The following MTF1 variants were observed in gnomAD, a reference collection of about 807,000 sequenced individuals.
MTF1 encodes the protein MRE-binding transcription factor.
Under a neutral mutation model 70.4 loss-of-function variants are expected in MTF1, and 22 were observed. That is an observed-to-expected ratio of 0.31 (90% confidence interval 0.22 to 0.45). The LOEUF is 0.45. Among genes scored for constraint, MTF1 ranks in the 20% least tolerant of loss-of-function variants. The pLI, the probability that MTF1 is intolerant of heterozygous loss-of-function variation, is 1.00. For missense variants in MTF1, 649 were observed against 922.0 expected, an observed-to-expected ratio of 0.70 and a Z score of 3.83; for synonymous variants, 333 against 352.8, an observed-to-expected ratio of 0.94 and a Z score of 0.63.
rs534357571 is a variant in MTF1 at position 37,815,426 on chromosome 1, G to A, written c.1972C>T (p.Pro658Ser). The change falls in exon 11 of 11, where the codon CCT (proline) becomes TCT (serine). Residue 658 changes from proline to serine, a missense_variant. Around this residue, in one of 7 missense-constraint regions of MTF1, gnomAD observed 138 missense variants for 134.4 expected, o/e 1.03. Transcript: ENST00000373036. This position sits in a 1 kb window ranked among gnomAD's most constrained non-coding sequence, Gnocchi z 4.5. The stretch of plus-strand genomic sequence containing the variant: ...GGAGCCTGGGGGCTCGGCTCTGGAG[G>A]GGGTGGGGAGGAGCAGCCCTTTCTC... ...SRRKGCSSPP[P>S]PEPSPQAPDG... The A allele has an allele frequency of 1.1e-5, 18 of 1,612,632 alleles. No homozygotes were observed. Among genetic ancestry groups the A allele is most frequent in the South Asian group, 2.2e-5 (2 of 91,040 alleles).
rs558062880 is a variant in MTF1, at chr1:37,822,163, T to C, written c.1725A>G (p.Ile575Met). 5.6e-5 allele frequency: 91 copies of C among 1,612,268 alleles called. No individual in the cohort carries two copies. Among genetic ancestry groups the C allele is most frequent in the African/African-American group, 9.3e-5 (7 of 75,028 alleles). Residue 575 changes from isoleucine (I) to methionine (M), a missense_variant, in exon 9 of 11, where the codon ATA becomes ATG. By Grantham distance (10) the Ile-to-Met change is conservative. Coordinates refer to ENST00000373036, the MANE Select transcript of MTF1 (RefSeq NM_005955.3). ...GTGGAGAACTGGTGGCACCATTTAA[T>C]ATCCATTGTAAGTTCTGTTCTCCCA... The part of the protein sequence containing the change: ...LVMGEQNLQW[I>M]LNGATSSPQN...
rs1430859389 is a variant in MTF1, at chr1:37,814,284, GC to G, written c.*851del. 2 of 152,172 alleles carry G rather than the reference GC, an allele frequency of 1.3e-5. No individual in the cohort carries two copies. Among genetic ancestry groups the G allele is most frequent in the Non-Finnish European group, 2.9e-5 (2 of 68,072 alleles). The allele number at this position is 152,172 out of a possible 1,614,324, so 9.4% of individuals were successfully genotyped here. ...GACCACCAAACAGCACTGGCCATAA[GC>G]CACAAGTTCACTCTAGGACAAAACA... On this transcript the variant is annotated 3_prime_UTR_variant, in exon 11 of 11. Transcript: ENST00000373036.
chr1:37,838,528 TA>T, intron 4 of MTF1, 96 bp downstream of exon 4: 2 of 1,064,954 alleles, frequency 1.9e-6, no homozygotes, highest in Non-Finnish European at 2.7e-6. Context: ...CAAGAGCTAG[TA>T]AAGGGAGTTT....
chr1:37,857,198 T>C, intron 2 of MTF1, 53 bp downstream of exon 2: 1 of 1,556,512 alleles, frequency 6.4e-7, no homozygotes, highest in Non-Finnish European at 8.7e-7. Flanking sequence ...CCAAGAATTT[T>C]GTAAGGACTT....
intron 6 of MTF1, among the ~76,000 whole-genome samples, chr1:37,834,015 T>A (rs1476811866): frequency 6.6e-6 from 1 of 151,676 alleles, no homozygotes; most frequent in Non-Finnish European, 1.5e-5. Context: ...CACTTAAGCT[T>A]AGGAGTGCAA....
Position 37,815,596 on chromosome 1 carries a change from C to A in MTF1, c.1832-30G>T. On this transcript the variant is annotated intron_variant, in intron 10 of 10. Transcript: ENST00000373036. This position sits in a 1 kb window ranked among gnomAD's most constrained non-coding sequence, Gnocchi z 4.5. ...GAGAGAGGCAAGAGAGACTGCTCTT[C>A]AAGTAGCTGCAGGGGCAGGAGCATG... 1.3e-6 allele frequency: 2 copies of A among 1,497,344 alleles called. No individual in the cohort carries two copies. Among genetic ancestry groups the A allele is most frequent in the South Asian group, 1.4e-5 (1 of 73,688 alleles). 92.8% of individuals were successfully genotyped at this position (1,497,344 alleles called of 1,614,324 possible). A position where few individuals can be genotyped will look rare whatever the true frequency, so the allele number is the denominator to read the frequency against.
intron 7 of MTF1, chr1:37,828,317 G>C (rs1045597413): frequency 6.4e-5 from 25 of 388,140 alleles, no homozygotes; most frequent in Non-Finnish European, 1.2e-4. Context: ...GTTTTCTTTT[G>C]TTCTGAGACA....
intron 4 of MTF1, among the ~76,000 whole-genome samples, chr1:37,838,352 C>T (rs577368339): frequency 7.2e-5 from 11 of 152,226 alleles, no homozygotes; most frequent in Admixed American, 6.5e-4. Context: ...TAAAAGTACC[C>T]ACCACATAAC....
At position 37,815,171 on chromosome 1, in the gene MTF1, C is replaced by T. The variant is rs777394679; in HGVS notation, c.2227G>A (p.Glu743Lys). The change falls in exon 11 of 11, where the codon GAG becomes AAG. Residue 743 changes from glutamate (E) to lysine (K), a missense_variant. This residue lies in a region of MTF1 where 138 missense variants were observed against 134.4 expected (regional missense o/e 1.03). Coordinates refer to ENST00000373036, the MANE Select transcript of MTF1 (RefSeq NM_005955.3). This position sits in a 1 kb window ranked among gnomAD's most constrained non-coding sequence, Gnocchi z 4.5. ...IPIEALLQGE[E>K]EMGLTSSFSK ...AAGCTGCTGGTGAGGCCCATCTCCT[C>T]CTCCCCCTGCAGTAGTGCTTCAATG... 6.2e-7 allele frequency: 1 copy of T among 1,614,192 alleles called. No homozygotes were observed. The highest frequency in any genetic ancestry group is 2.2e-5 in the East Asian group (1 of 44,860).
chr1:37,831,043 G>C (rs2148408215), intron 7 of MTF1, among the ~76,000 whole-genome samples: 1 of 152,288 alleles, frequency 6.6e-6, no homozygotes, highest in East Asian at 1.9e-4. Flanking sequence ...GCTTGCCCAA[G>C]GTGGATAAGC....
rs1641518995 is a variant in MTF1, at chr1:37,857,633, TTGTTG to T, written c.21_25del (p.Asp7GlufsTer6). 1 of 1,613,846 alleles carries T rather than the reference TTGTTG, an allele frequency of 6.2e-7. No individual in the cohort carries two copies. The highest frequency in any genetic ancestry group is 1.3e-5 in the African/African-American group (1 of 74,912). On this transcript the variant is annotated frameshift_variant, in exon 2 of 11. Transcript: ENST00000373036. LOFTEE classifies it high-confidence loss of function. ...TTCCTCTGCCTCAAAGTAGATGATGTTGTTGTCTGGACTGTGTTCCCCCATGGTTC... is the reference window on the plus strand; with the variant it reads ...TTCCTCTGCCTCAAAGTAGATGATGTTCTGGACTGTGTTCCCCCATGGTTC...
intron 6 of MTF1, among the ~76,000 whole-genome samples, chr1:37,834,301 C>T (rs1345918410): frequency 6.7e-6 from 1 of 148,450 alleles, no homozygotes; most frequent in Non-Finnish European, 1.5e-5. Flanking sequence ...CTATAGCCTA[C>T]TATAAAGACT....
Position 37,836,057 on chromosome 1 carries a change from C to G in MTF1, c.780-313G>C, listed in dbSNP as rs1641165378. On this transcript the variant is annotated intron_variant, in intron 4 of 10. Coordinates refer to ENST00000373036, the MANE Select transcript of MTF1 (RefSeq NM_005955.3). ...CCTTGTGATCCGCCCGCCTCGGCCT[C>G]CCAAGTGCTGGGATTACAGACGTGA... Among the ~76,000 whole-genome samples the G allele has an allele frequency of 1.3e-5, 2 of 152,150 alleles. 1 individual carries two copies. The highest frequency in any genetic ancestry group is 4.1e-4 in the South Asian group (2 of 4,830).
intron 2 of MTF1, among the ~76,000 whole-genome samples, chr1:37,849,243 T>C (rs780843535): frequency 1.3e-5 from 2 of 152,070 alleles, no homozygotes; most frequent in African/African-American, 2.4e-5. Context: ...CTGACCAATA[T>C]GGTGAAACCC....
At chr1:37,826,292 C>G (rs1489342084) in intron 7 of MTF1, among the ~76,000 whole-genome samples, 2 of 151,998 alleles carry the variant, frequency 1.3e-5, no homozygotes, top group African/African-American at 4.8e-5. Flanking sequence ...TCTTCTTTTC[C>G]CCCCCTTTTT....
chr1:37,856,499 C>CTTTTT (rs35260301), intron 2 of MTF1, among the ~76,000 whole-genome samples: 2 of 122,704 alleles, frequency 1.6e-5, no homozygotes, highest in Admixed American at 8.4e-5. Context: ...GAATTTCTTT[C>CTTTTT]TTTTTTTTTT....
At chr1:37,842,955 G>C (rs996515057) in intron 2 of MTF1, among the ~76,000 whole-genome samples, 2 of 152,200 alleles carry the variant, frequency 1.3e-5, no homozygotes, top group Non-Finnish European at 2.9e-5. Context: ...AATGAAAGGT[G>C]AAGTGGAGGT....
intron 10 of MTF1, 51 bp downstream of exon 10, chr1:37,817,368 C>T (rs1640836039): frequency 8.8e-7 from 1 of 1,132,104 alleles, no homozygotes; most frequent in Admixed American, 1.8e-5. Context: ...AGCTGTGCCT[C>T]AAGGGACCCA....
chr1:37,822,492 G>C lies in MTF1; in HGVS notation c.1396C>G (p.Gln466Glu). ...AAFGNPPALLQPPEVPVPHST... is the reference protein window; with the variant it reads ...AAFGNPPALLEPPEVPVPHST... ...TGGGGAACAGGCACTTCTGGAGGTT[G>C]TAAGAGAGCAGGGGGGTTGCCAAAT... The change falls in exon 9 of 11, where the codon CAA becomes GAA. Residue 466 changes from glutamine (Q) to glutamate (E), a missense_variant. Physicochemically the swap from Gln to Glu is conservative, Grantham distance 29. Transcript: ENST00000373036. 6.2e-7 allele frequency: 1 copy of C among 1,614,114 alleles called. No individual in the cohort carries two copies. Among genetic ancestry groups the C allele is most frequent in the Non-Finnish European group, 8.5e-7 (1 of 1,180,002 alleles).
Sources: gnomAD v4.1 joint callset for allele counts (sites outside exome capture counted in the v4.1 genomes callset) on GRCh38, gnomAD v4.1.1 for gene constraint, gnomAD v4.1.1 regional missense constraint, Gnocchi (gnomAD v3.1) non-coding constraint, MANE v1.5 for transcripts, NCBI Gene and HGNC (gene_info 2026-07-23, HGNC 2026-07-21) for gene names.